WDR7: variants seen among roughly 807,000 people sequenced by gnomAD.
WDR7 encodes the protein WD repeat-containing protein 7.
Under a neutral mutation model 169.4 loss-of-function variants are expected in WDR7, and 46 were observed. The ratio of observed to expected loss-of-function variants is 0.27; its 90% confidence interval spans 0.21 to 0.35. The LOEUF (loss-of-function observed/expected upper bound fraction) is 0.35. Ranked by LOEUF, WDR7 falls within the 10% of genes least tolerant of loss-of-function variation. The probability of loss-of-function intolerance (pLI) is 1.00; values close to 1 mark genes in which losing one functional copy is unlikely to be tolerated. For missense variants in WDR7, 1,534 were observed against 1,859.3 expected, an observed-to-expected ratio of 0.83 and a Z score of 3.22; for synonymous variants, 612 against 666.8, an observed-to-expected ratio of 0.92 and a Z score of 1.27.
chr18:56,707,453 G>T (rs1298003149), intron 12 of WDR7, among the ~76,000 whole-genome samples: 4 of 145,608 alleles, frequency 2.7e-5, no homozygotes, highest in Non-Finnish European at 6.0e-5. Context: ...GCATGAGATA[G>T]AAGTTTCAAG....
intron 12 of WDR7, among the ~76,000 whole-genome samples, chr18:56,704,112 A>G (rs929016442): frequency 9.2e-5 from 14 of 152,316 alleles, no homozygotes; most frequent in African/African-American, 3.4e-4. Flanking sequence ...TATAGCTCTC[A>G]CGTTCATTTT....
At chr18:56,704,011 C>T (rs2025894165) in intron 12 of WDR7, among the ~76,000 whole-genome samples, 1 of 152,296 alleles carries the variant, frequency 6.6e-6, no homozygotes, top group South Asian at 2.1e-4. Flanking sequence ...CACCATTTTA[C>T]TACCGTAATC....
At chr18:56,675,341 T>A (rs1404443339) in intron 2 of WDR7, among the ~76,000 whole-genome samples, 4 of 152,170 alleles carry the variant, frequency 2.6e-5, no homozygotes, top group African/African-American at 9.6e-5. Flanking sequence ...TTCTGACCCA[T>A]GAACATTGAA....
At chr18:56,916,850 T>C (rs915106468) in intron 21 of WDR7, among the ~76,000 whole-genome samples, 1 of 152,102 alleles carries the variant, frequency 6.6e-6, no homozygotes, top group African/African-American at 2.4e-5. Context: ...GATCATGAGG[T>C]CAGGAGTTCC....
At chr18:56,923,869 A>G (rs1434732469) in intron 21 of WDR7, 53 bp from the exon 22 acceptor site, 1 of 1,439,850 alleles carries the variant, frequency 6.9e-7, no homozygotes, top group Admixed American at 3.1e-5. Context: ...CAAAAGAAAC[A>G]ATTACAAAAG....
At chr18:56,805,760 T>G (rs1216852774) in intron 19 of WDR7, among the ~76,000 whole-genome samples, 1 of 152,114 alleles carries the variant, frequency 6.6e-6, no homozygotes, top group East Asian at 1.9e-4. Context: ...TACCAGTGAT[T>G]CTACTTCATT....
chr18:56,827,313 G>A (rs1298809468), intron 20 of WDR7, among the ~76,000 whole-genome samples: 1 of 152,122 alleles, frequency 6.6e-6, no homozygotes. Context: ...CAGATGAATG[G>A]CTACAGAAAA....
At chr18:56,905,601 T>C (rs557062327) in intron 21 of WDR7, among the ~76,000 whole-genome samples, 63 of 136,342 alleles carry the variant, frequency 4.6e-4, no homozygotes, top group Admixed American at 1.1e-3. Context: ...TACATGAAAT[T>C]TTATTTATAT....
chr18:56,977,043 T>A (rs60938964), intron 26 of WDR7, among the ~76,000 whole-genome samples: 3,306 of 152,292 alleles, frequency 0.022, 116 homozygotes, highest in African/African-American at 0.073. Flanking sequence ...ACAAGTGACT[T>A]GTTCTCTTTA....
At chr18:56,869,972 A>G (rs980949368) in intron 20 of WDR7, among the ~76,000 whole-genome samples, 2 of 152,174 alleles carry the variant, frequency 1.3e-5, no homozygotes, top group African/African-American at 2.4e-5. Context: ...CATCCTCCAC[A>G]TGAGCCTATG....
intron 25 of WDR7, among the ~76,000 whole-genome samples, chr18:56,953,057 C>T (rs1045766739): frequency 2.6e-5 from 4 of 152,060 alleles, no homozygotes; most frequent in Admixed American, 6.5e-5. Context: ...CAAGAGTGAA[C>T]GCTAATGTGA....
Position 57,028,251 on chromosome 18 carries a change from G to A in WDR7, c.*1044G>A, listed in dbSNP as rs143505858. Reference sequence around the variant, plus strand: ...TCTTTTAAACAAGTATTCTGGAAAAGTAATAACTATGGCACAAATGTTCAG... The same window carrying A: ...TCTTTTAAACAAGTATTCTGGAAAAATAATAACTATGGCACAAATGTTCAG... On this transcript the variant is annotated 3_prime_UTR_variant, in exon 28 of 28. Coordinates refer to ENST00000254442, the MANE Select transcript of WDR7 (RefSeq NM_015285.3). The A allele has an allele frequency of 6.6e-6, 1 of 152,168 alleles. No individual in the cohort carries two copies. The highest frequency in any genetic ancestry group is 1.9e-4 in the East Asian group (1 of 5,196). The allele number at this position is 152,168 out of a possible 1,614,324, so 9.4% of individuals were successfully genotyped here.
At chr18:56,918,483 G>A (rs1008975414) in intron 21 of WDR7, among the ~76,000 whole-genome samples, 1 of 151,724 alleles carries the variant, frequency 6.6e-6, no homozygotes, top group African/African-American at 2.4e-5. Flanking sequence ...AAAATGTGAG[G>A]GCATGTATTA....
intron 16 of WDR7, among the ~76,000 whole-genome samples, chr18:56,765,664 A>T (rs1002793828): frequency 2.1e-4 from 32 of 152,288 alleles, no homozygotes; most frequent in Non-Finnish European, 4.0e-4. Context: ...GAAAAAATAC[A>T]TATTTACCCA....
chr18:56,744,254 AAAAAAAAAAAAAAAAG>A (rs2043668535), intron 14 of WDR7, among the ~76,000 whole-genome samples: 1 of 140,404 alleles, frequency 7.1e-6, no homozygotes, highest in Admixed American at 6.8e-5. Context: ...AGAAAAAAAA[AAAAAAAAAAAAAAAAG>A]AAAGAGCACA....
At chr18:56,857,852 G>T (rs566846829) in intron 20 of WDR7, among the ~76,000 whole-genome samples, 2 of 152,260 alleles carry the variant, frequency 1.3e-5, no homozygotes, top group African/African-American at 4.8e-5. Flanking sequence ...ACGCTGTGTA[G>T]AGGTTTGTCA....
intron 26 of WDR7, among the ~76,000 whole-genome samples, chr18:56,964,466 G>T (rs1048568827): frequency 7.0e-4 from 106 of 152,146 alleles, no homozygotes; most frequent in African/African-American, 2.5e-3. Context: ...CTTCCTTGAG[G>T]GTTCAAGCAA....
intron 20 of WDR7, chr18:56,873,713 A>G (rs1036210935): frequency 6.6e-6 from 1 of 152,302 alleles, no homozygotes; most frequent in Non-Finnish European, 1.5e-5. Flanking sequence ...GCTTCAGTAC[A>G]TTAGAATAGA....
intron 13 of WDR7, among the ~76,000 whole-genome samples, chr18:56,729,476 A>G (rs1162611316): frequency 1.3e-5 from 2 of 152,034 alleles, no homozygotes; most frequent in Admixed American, 1.3e-4. Flanking sequence ...CCCCCACTTT[A>G]TACTATGAAT....
Sources: gnomAD v4.1 joint callset for allele counts (sites outside exome capture counted in the v4.1 genomes callset) on GRCh38, gnomAD v4.1.1 for gene constraint, MANE v1.5 for transcripts, NCBI Gene and HGNC (gene_info 2026-07-23, HGNC 2026-07-21) for gene names.